The following CDKN2B-AS1 variants were observed in gnomAD, a reference collection of about 807,000 sequenced individuals.
CDKN2B-AS1 encodes the protein CDKN2B antisense RNA 1 (non-protein coding).
Position 22,124,075 on chromosome 9 carries a change from C to G in CDKN2B-AS1, n.439-3028C>G, listed in dbSNP as rs575554874. Reference sequence around the variant, plus strand: ...CTGATGAATATTTGCCTTGTATAATCTTTTTGTAGTTTTTTTATGAACATA... The same window carrying G: ...CTGATGAATATTTGCCTTGTATAATGTTTTTGTAGTTTTTTTATGAACATA... On this transcript the variant is annotated intron_variant and non_coding_transcript_variant, in intron 4 of 4. Coordinates refer to ENST00000650946, the Ensembl canonical transcript of CDKN2B-AS1. Among the ~76,000 whole-genome samples the G allele has an allele frequency of 3.0e-4, 45 of 151,508 alleles. 1 individual carries two copies. The highest frequency in any genetic ancestry group is 4.7e-4 in the Non-Finnish European group (32 of 67,486).
intron 4 of CDKN2B-AS1, among the ~76,000 whole-genome samples, chr9:22,065,341 C>A (rs906725124): frequency 1.3e-5 from 2 of 152,154 alleles, no homozygotes; most frequent in Non-Finnish European, 2.9e-5. Flanking sequence ...GCAAAGATTG[C>A]CAGCCTGGTC....
intron 1 of CDKN2B-AS1, chr9:22,002,902 A>G (rs1820983837): frequency 5.4e-6 from 1 of 183,800 alleles, no homozygotes; most frequent in Admixed American, 6.2e-5. Flanking sequence ...AGCCAAATGA[A>G]TGTTATTAAA....
At chr9:22,061,068 A>C (rs1195018678) in intron 4 of CDKN2B-AS1, among the ~76,000 whole-genome samples, 3 of 152,224 alleles carry the variant, frequency 2.0e-5, no homozygotes, top group Non-Finnish European at 4.4e-5. Flanking sequence ...TGTACTGATA[A>C]TTAATATCTG....
chr9:22,059,983 C>A (rs574762750), intron 4 of CDKN2B-AS1, among the ~76,000 whole-genome samples: 1 of 152,286 alleles, frequency 6.6e-6, no homozygotes, highest in South Asian at 2.1e-4. Flanking sequence ...GGCGCAGGGA[C>A]CCTGGGTCCA....
intron 4 of CDKN2B-AS1, chr9:22,066,406 G>A (rs1350392904): frequency 6.6e-6 from 1 of 151,434 alleles, no homozygotes; most frequent in African/African-American, 2.4e-5. Flanking sequence ...TGTTGCCCAG[G>A]CTCATCTCAA....
In CDKN2B-AS1 at chr9:21,999,912, G is replaced by A. The variant is rs995061581; in HGVS notation, n.29+4751G>A. On this transcript the variant is annotated intron_variant and non_coding_transcript_variant, in intron 1 of 4. Transcript: ENST00000650946. The surrounding 1 kb of genome is among the most constrained non-coding windows in gnomAD (Gnocchi z 4.7). ...ATGTTTTCCAAATATGCATGCTGGGGGAGAGATGTTTGCAATTATATGTAC... is the reference window on the plus strand; with the variant it reads ...ATGTTTTCCAAATATGCATGCTGGGAGAGAGATGTTTGCAATTATATGTAC... 6.6e-6 allele frequency among the ~76,000 whole-genome samples: 1 copy of A among 152,108 alleles called. No individual in the cohort carries two copies. The highest frequency in any genetic ancestry group is 2.4e-5 in the African/African-American group (1 of 41,422).
At chr9:22,106,485 C>T (rs957396693) in intron 4 of CDKN2B-AS1, among the ~76,000 whole-genome samples, 2 of 152,104 alleles carry the variant, frequency 1.3e-5, no homozygotes, top group Admixed American at 6.6e-5. Flanking sequence ...CCAAAGTGCT[C>T]GGATTATAGG....
intron 1 of CDKN2B-AS1, among the ~76,000 whole-genome samples, chr9:22,024,525 C>T (rs554358418): frequency 2.0e-5 from 3 of 152,284 alleles, no homozygotes; most frequent in Non-Finnish European, 2.9e-5. Context: ...TCTTGGTCAC[C>T]TGCAAGCAGG....
intron 4 of CDKN2B-AS1, among the ~76,000 whole-genome samples, chr9:22,084,334 C>G (rs941720151): frequency 1.3e-5 from 2 of 152,170 alleles, no homozygotes; most frequent in South Asian, 4.1e-4. Context: ...ATATAATCTA[C>G]CACTATTAAA....
intron 1 of CDKN2B-AS1, among the ~76,000 whole-genome samples, chr9:22,025,312 GTCA>G (rs1315833588): frequency 6.6e-6 from 1 of 152,192 alleles, no homozygotes; most frequent in African/African-American, 2.4e-5. Context: ...CTCTCCTTGA[GTCA>G]ACTGCTGCTT....
intron 1 of CDKN2B-AS1, among the ~76,000 whole-genome samples, chr9:22,025,155 C>G (rs1822178966): frequency 1.3e-5 from 2 of 152,168 alleles, no homozygotes; most frequent in Admixed American, 1.3e-4. Flanking sequence ...CTTGGGGGCT[C>G]CACCCCAGAG....
chr9:22,032,833 C>T lies in CDKN2B-AS1; in HGVS notation n.30-13918C>T, dbSNP rs370587710. 28 of 151,442 alleles carry T rather than the reference C, an allele frequency of 1.8e-4. 1 individual carries two copies. The highest frequency in any genetic ancestry group is 1.4e-3 in the Admixed American group (21 of 15,226). The allele number at this position is 151,442 out of a possible 1,614,324, so 9.4% of individuals were successfully genotyped here. ...TTTTCTCTTCACTACACCAGGGGTC[C>T]CCAACCCCTAGGCCACAGACTGTGG... On this transcript the variant is annotated intron_variant and non_coding_transcript_variant, in intron 1 of 4. Coordinates refer to ENST00000650946, the Ensembl canonical transcript of CDKN2B-AS1.
At chr9:22,003,153 A>G (rs1476065439) in intron 1 of CDKN2B-AS1, 3 of 217,476 alleles carry the variant, frequency 1.4e-5, no homozygotes, top group Admixed American at 5.8e-5. Context: ...CTGATGAAAC[A>G]GCTAAACCTG....
intron 4 of CDKN2B-AS1, among the ~76,000 whole-genome samples, chr9:22,082,690 C>G (rs549127771): frequency 2.0e-5 from 3 of 152,140 alleles, no homozygotes; most frequent in African/African-American, 4.8e-5. Context: ...ATATTTTATA[C>G]CTGTAGTAAA....
chr9:22,082,272 G>C (rs1343931242), intron 4 of CDKN2B-AS1, among the ~76,000 whole-genome samples: 1 of 152,152 alleles, frequency 6.6e-6, no homozygotes, highest in East Asian at 1.9e-4. Context: ...TTATGACATT[G>C]TCATCACCCT....
In CDKN2B-AS1 at chr9:22,078,734, A is replaced by T. The variant is rs954209813; in HGVS notation, n.438+22347A>T. Among the ~76,000 whole-genome samples, 4 of 152,186 alleles carry T rather than the reference A, an allele frequency of 2.6e-5. No homozygotes were observed. The East Asian group carries it at 7.7e-4, about 29-fold the overall frequency. On this transcript the variant is annotated intron_variant and non_coding_transcript_variant, in intron 4 of 4. Transcript: ENST00000650946. ...GTCTGAAAGGTTTTTAAAATAACTG[A>T]TTTCCCTTCAAAATCTTCTTCATTA... is the stretch of plus-strand genomic sequence containing the variant.
chr9:22,006,225 C>G lies in CDKN2B-AS1; in HGVS notation n.29+11064C>G. ...GTGGAGCAGCAGCAGCTCCGCCACG[C>G]GGGCGCTGCCCATCATCATGACCTG... On this transcript the variant is annotated intron_variant and non_coding_transcript_variant, in intron 1 of 4. Coordinates refer to ENST00000650946, the Ensembl canonical transcript of CDKN2B-AS1. The surrounding 1 kb of genome is among the most constrained non-coding windows in gnomAD (Gnocchi z 6.4). 1.2e-6 allele frequency: 2 copies of G among 1,606,652 alleles called. No homozygotes were observed. The highest frequency in any genetic ancestry group is 2.2e-5 in the South Asian group (2 of 91,050).
intron 4 of CDKN2B-AS1, among the ~76,000 whole-genome samples, chr9:22,106,112 T>C (rs1419473178): frequency 6.6e-6 from 1 of 151,898 alleles, no homozygotes; most frequent in African/African-American, 2.4e-5. Context: ...AGACCGTGTC[T>C]CACTCTGTCA....
chr9:22,118,897 G>A (rs1373184974), intron 4 of CDKN2B-AS1: 1 of 152,118 alleles, frequency 6.6e-6, no homozygotes, highest in Admixed American at 6.5e-5. Flanking sequence ...TAAATGGATG[G>A]GGAGATATCA....
Sources: allele counts gnomAD v4.1 joint callset (sites outside exome capture counted in the v4.1 genomes callset), GRCh38; gene constraint gnomAD v4.1.1; non-coding constraint Gnocchi (gnomAD v3.1); transcripts MANE v1.5; gene names NCBI Gene and HGNC (gene_info 2026-07-23, HGNC 2026-07-21).